COP1: variants seen among roughly 807,000 people sequenced by gnomAD.
COP1 encodes COP1 E3 ubiquitin ligase.
COP1 carries 24 observed loss-of-function variants against 101.3 expected under a neutral mutation model. The ratio of observed to expected loss-of-function variants is 0.24; its 90% confidence interval spans 0.17 to 0.33. The LOEUF is 0.33. Ranked by LOEUF, COP1 falls within the 10% of genes least tolerant of loss-of-function variation. The pLI, the probability that COP1 is intolerant of heterozygous loss-of-function variation, is 1.00. For synonymous variants in COP1, 347 were observed against 341.9 expected, an observed-to-expected ratio of 1.01 and a Z score of -0.17; for missense variants, 663 against 906.2, an observed-to-expected ratio of 0.73 and a Z score of 3.45.
intron 14 of COP1, among the ~76,000 whole-genome samples, chr1:176,029,314 A>G (rs1463887603): frequency 1.3e-5 from 2 of 152,224 alleles, no homozygotes; most frequent in African/African-American, 4.8e-5. Context: ...AGTGATATAT[A>G]TTAAAATTTG....
intron 10 of COP1, among the ~76,000 whole-genome samples, chr1:176,083,504 G>C (rs1361098175): frequency 1.3e-5 from 2 of 152,132 alleles, no homozygotes; most frequent in Non-Finnish European, 2.9e-5. Context: ...TTTGCGTGGT[G>C]TTTTATCATC....
At chr1:176,149,875 C>T (rs2149828879) in intron 5 of COP1, among the ~76,000 whole-genome samples, 1 of 151,998 alleles carries the variant, frequency 6.6e-6, no homozygotes, top group East Asian at 1.9e-4. Context: ...GAACAAACAT[C>T]ATTCTAATTT....
chr1:175,976,958 T>C (rs1010368602), intron 18 of COP1, among the ~76,000 whole-genome samples: 3 of 152,162 alleles, frequency 2.0e-5, no homozygotes, highest in South Asian at 2.1e-4. Flanking sequence ...TTGTGAGAAA[T>C]AAAAAACACT....
intron 15 of COP1, among the ~76,000 whole-genome samples, chr1:176,004,813 C>CT (rs1200699325): frequency 1.3e-5 from 2 of 151,062 alleles, no homozygotes; most frequent in African/African-American, 4.9e-5. Context: ...CTAAAATTCT[C>CT]TTTTTTGGTT....
intron 9 of COP1, among the ~76,000 whole-genome samples, chr1:176,112,367 G>GT (rs1287171831): frequency 6.6e-6 from 1 of 151,876 alleles, no homozygotes; most frequent in African/African-American, 2.4e-5. Flanking sequence ...CAACGTGCAG[G>GT]TTTGTTACGT....
At chr1:175,982,905 CAAGGCTACA>C (rs1419429110) in intron 18 of COP1, among the ~76,000 whole-genome samples, 1 of 152,030 alleles carries the variant, frequency 6.6e-6, no homozygotes, top group Non-Finnish European at 1.5e-5. Flanking sequence ...GATGTTGGTC[CAAGGCTACA>C]AAGTTTCAGC....
chr1:176,001,517 T>A (rs556859877), intron 15 of COP1, among the ~76,000 whole-genome samples: 2 of 152,166 alleles, frequency 1.3e-5, no homozygotes, highest in Non-Finnish European at 2.9e-5. Flanking sequence ...AAAATAATAA[T>A]AAAAGCGAGA....
At chr1:175,999,511 T>C (rs976681837) in intron 15 of COP1, among the ~76,000 whole-genome samples, 1 of 151,916 alleles carries the variant, frequency 6.6e-6, no homozygotes, top group Non-Finnish European at 1.5e-5. Flanking sequence ...CATTCATCTG[T>C]TGATGGATAC....
At chr1:176,195,429 G>A (rs970826402) in intron 1 of COP1, among the ~76,000 whole-genome samples, 4 of 152,178 alleles carry the variant, frequency 2.6e-5, no homozygotes, top group Non-Finnish European at 1.5e-5. Context: ...TACAGAAAAT[G>A]AATGGGAGTA....
intron 3 of COP1, among the ~76,000 whole-genome samples, chr1:176,171,124 CAAAAAAAA>C (rs1174700907): frequency 8.8e-5 from 5 of 56,834 alleles, no homozygotes; most frequent in Non-Finnish European, 1.6e-4. Flanking sequence ...GACTCCATCT[CAAAAAAAA>C]AAAAAAAAAA....
intron 14 of COP1, among the ~76,000 whole-genome samples, chr1:176,035,207 C>A (rs1669281740): frequency 6.6e-6 from 1 of 151,384 alleles, no homozygotes; most frequent in African/African-American, 2.4e-5. Context: ...AATAAACAAA[C>A]TTAAAATTAA....
At chr1:175,980,560 G>T (rs1655598488) in intron 18 of COP1, among the ~76,000 whole-genome samples, 1 of 152,070 alleles carries the variant, frequency 6.6e-6, no homozygotes, top group Non-Finnish European at 1.5e-5. Context: ...GTTTCAGAGA[G>T]GGGAAATTTG....
chr1:176,043,029 A>T (rs969173774), intron 14 of COP1, among the ~76,000 whole-genome samples, 157 bp downstream of exon 14: 16 of 152,184 alleles, frequency 1.1e-4, no homozygotes, highest in African/African-American at 3.6e-4. Context: ...ATTCCATCTC[A>T]AAAAACAAAA....
At position 176,171,687 on chromosome 1, in the gene COP1, T is replaced by TA. The variant is rs141211507; in HGVS notation, c.565+4222dup. Among the ~76,000 whole-genome samples, 271 of 150,492 alleles carry TA rather than the reference T, an allele frequency of 1.8e-3. 3 individuals are homozygous for TA. The highest frequency in any genetic ancestry group is 5.7e-3 in the African/African-American group (230 of 40,016). On this transcript the variant is annotated intron_variant, in intron 3 of 19. Coordinates refer to ENST00000367669, the MANE Select transcript of COP1 (RefSeq NM_022457.7). ...GGGTTGCCACAAACTTTCAATTTGT[T>TA]AAAAAAAATGCAACTTCTATAAAGT...
chr1:176,034,079 A>G (rs1310291390), intron 14 of COP1, among the ~76,000 whole-genome samples: 2 of 152,222 alleles, frequency 1.3e-5, no homozygotes, highest in African/African-American at 4.8e-5. Flanking sequence ...ACTCTGGACA[A>G]TATCCAAAAA....
intron 9 of COP1, among the ~76,000 whole-genome samples, chr1:176,092,059 A>G (rs1351518186): frequency 6.6e-6 from 1 of 152,152 alleles, no homozygotes; most frequent in East Asian, 1.9e-4. Context: ...GTAATAAGAG[A>G]GCCTTAACAT....
At chr1:176,149,206 C>T in intron 5 of COP1, 132 bp from the exon 6 acceptor site, 1 of 457,308 alleles carries the variant, frequency 2.2e-6, no homozygotes, top group East Asian at 3.5e-5. Context: ...TCTATTTAAT[C>T]AGTTTTCCCA....
chr1:176,204,463 A>T (rs1446699242), intron 1 of COP1, among the ~76,000 whole-genome samples: 2 of 152,102 alleles, frequency 1.3e-5, no homozygotes, highest in Non-Finnish European at 2.9e-5. Context: ...AAAAAAAAAG[A>T]AAAAAAGGAT....
chr1:176,133,994 AT>A (rs1689387911), intron 8 of COP1: 9 of 404,152 alleles, frequency 2.2e-5, no homozygotes, highest in South Asian at 1.4e-4. Flanking sequence ...CACAGCTAAA[AT>A]AACACCAGAA....
Sources: allele counts gnomAD v4.1 joint callset (sites outside exome capture counted in the v4.1 genomes callset), GRCh38; gene constraint gnomAD v4.1.1; transcripts MANE v1.5; gene names NCBI Gene and HGNC (gene_info 2026-07-23, HGNC 2026-07-21).